Variants in RSF1 observed in about 807,000 individuals in gnomAD.
RSF1 encodes remodeling and spacing factor 1.
Under a neutral mutation model 145.2 loss-of-function variants are expected in RSF1, and 13 were observed. That is an observed-to-expected ratio of 0.09 (90% confidence interval 0.06 to 0.14). RSF1 has a LOEUF of 0.14. RSF1 is among the 10% of genes least tolerant of loss of function. RSF1 has a pLI of 1.00. For missense variants in RSF1, 1,517 were observed against 1,718.2 expected (o/e 0.88, Z 2.07); for synonymous variants, 577 against 592.6 (o/e 0.97, Z 0.38).
chr11:77,713,643 T>C (rs1565157405), intron 5 of RSF1, among the ~76,000 whole-genome samples: 1 of 152,226 alleles, frequency 6.6e-6, no homozygotes, highest in Non-Finnish European at 1.5e-5. Flanking sequence ...GGATCTTCTT[T>C]GCCTATTTTC....
intron 3 of RSF1, among the ~76,000 whole-genome samples, chr11:77,741,764 T>C (rs1333620473): frequency 6.6e-6 from 1 of 152,158 alleles, no homozygotes; most frequent in Non-Finnish European, 1.5e-5. Context: ...TTATTATCTA[T>C]AGTCACCATG....
chr11:77,685,089 C>G lies in RSF1; in HGVS notation c.2955+16G>C. 1 of 1,477,438 alleles carries G rather than the reference C, an allele frequency of 6.8e-7. No homozygotes were observed. Among genetic ancestry groups the G allele is most frequent in the East Asian group, 2.4e-5 (1 of 41,014 alleles). The allele number at this position is 1,477,438 out of a possible 1,614,324, so 91.5% of individuals were successfully genotyped here. ...GACAATCTCCCATTTAAAAACATTA[C>G]AAATCAGAAACTTACTTGTGGAGGA... On this transcript the variant is annotated intron_variant, in intron 10 of 15. Transcript: ENST00000308488.
At chr11:77,824,066 T>C (rs1006640143), upstream of RSF1, among the ~76,000 whole-genome samples, 3 of 152,224 alleles carry the variant, frequency 2.0e-5, no homozygotes, top group African/African-American at 7.2e-5. Context: ...GAAAGTTATA[T>C]CCACCCAAAG....
intron 2 of RSF1, among the ~76,000 whole-genome samples, chr11:77,751,297 G>A (rs193279874): frequency 2.0e-5 from 3 of 152,234 alleles, no homozygotes; most frequent in Admixed American, 2.0e-4. Context: ...TAAAAAGAGG[G>A]TGTGAAATGG....
At chr11:77,871,354 A>G in the RSF1 span, among the ~76,000 whole-genome samples, 2 of 152,256 alleles carry the variant, frequency 1.3e-5, no homozygotes, top group Non-Finnish European at 2.9e-5. Context: ...AAATTCATTT[A>G]CAGATATTTA....
At chr11:77,668,622 T>C (rs1959435913) in intron 15 of RSF1, among the ~76,000 whole-genome samples, 1 of 152,242 alleles carries the variant, frequency 6.6e-6, no homozygotes, top group East Asian at 1.9e-4. Context: ...TGTCTGAACA[T>C]ACATAGACTT....
the RSF1 span, among the ~76,000 whole-genome samples, chr11:77,827,414 C>T: frequency 6.6e-6 from 1 of 152,108 alleles, no homozygotes; most frequent in East Asian, 1.9e-4. Context: ...CCAGTTCCAA[C>T]CACATATAAA....
intron 1 of RSF1, among the ~76,000 whole-genome samples, chr11:77,789,545 G>A (rs541283533): frequency 3.0e-4 from 45 of 152,252 alleles, no homozygotes; most frequent in Non-Finnish European, 4.0e-4. Context: ...GCTGAGGCGC[G>A]AGCACCCCCA....
intron 4 of RSF1, 144 bp downstream of exon 4, chr11:77,740,587 G>A (rs1961485355): frequency 9.1e-6 from 6 of 656,536 alleles, no homozygotes; most frequent in Middle Eastern, 4.2e-4. Flanking sequence ...TGGGTATTAC[G>A]CTGGATACTA....
chr11:77,778,301 G>C (rs1159639070), intron 1 of RSF1, among the ~76,000 whole-genome samples: 1 of 149,520 alleles, frequency 6.7e-6, no homozygotes, highest in Non-Finnish European at 1.5e-5. Flanking sequence ...AATACCTTCA[G>C]GCTTTAGAGA....
intron 1 of RSF1, among the ~76,000 whole-genome samples, chr11:77,790,648 A>G (rs1013099484): frequency 2.0e-5 from 3 of 152,184 alleles, no homozygotes; most frequent in African/African-American, 4.8e-5. Flanking sequence ...CCTAGATACA[A>G]TGGGGGTGCA....
chr11:77,747,209 G>T, intron 2 of RSF1, 81 bp from the exon 3 acceptor site: 1 of 810,164 alleles, frequency 1.2e-6, no homozygotes, highest in Non-Finnish European at 2.1e-6. Flanking sequence ...TGCTGTTCTT[G>T]TTAATACATG....
chr11:77,808,527 C>CTT (rs745630976), intron 1 of RSF1, among the ~76,000 whole-genome samples: 28,929 of 59,776 alleles, frequency 0.48, 10,868 homozygotes, highest in South Asian at 0.69. Flanking sequence ...AATATTATAC[C>CTT]TTTTTTTTTT....
chr11:77,685,027 A>T, intron 10 of RSF1, 78 bp downstream of exon 10: 1 of 699,968 alleles, frequency 1.4e-6, no homozygotes. Flanking sequence ...AAAACCACTA[A>T]CATTACATAA....
chr11:77,669,781 A>G (rs1959471692), intron 15 of RSF1, among the ~76,000 whole-genome samples: 1 of 152,234 alleles, frequency 6.6e-6, no homozygotes, highest in Non-Finnish European at 1.5e-5. Context: ...TTTTTGAGAA[A>G]GCAGGCAACA....
intron 1 of RSF1, among the ~76,000 whole-genome samples, chr11:77,790,436 G>A (rs1948505260): frequency 6.6e-6 from 1 of 152,148 alleles, no homozygotes; most frequent in Non-Finnish European, 1.5e-5. Context: ...TGGGGACACA[G>A]CCAAGCCATA....
chr11:77,671,138 AATATATATATATATATAT>A lies in RSF1; in HGVS notation c.3751+886_3751+903del, dbSNP rs1225103987. Among the ~76,000 whole-genome samples the A allele has an allele frequency of 5.4e-3, 119 of 22,052 alleles. 7 individuals carry two copies. Among genetic ancestry groups the A allele is most frequent in the Middle Eastern group, 0.036 (1 of 28 alleles). 14.5% of individuals were successfully genotyped at this position (22,052 alleles called of 152,430 possible). Reference sequence around the variant, plus strand: ...AAAAAAAAAAAAAAAAAAAAAAAAAAATATATATATATATATATATATATATATATATATATATATTTA... The same window carrying A: ...AAAAAAAAAAAAAAAAAAAAAAAAAAATATATATATATATATATATATTTA... On this transcript the variant is annotated intron_variant, in intron 15 of 15. Transcript: ENST00000308488.
the RSF1 span, among the ~76,000 whole-genome samples, chr11:77,859,805 G>A: frequency 3.3e-5 from 5 of 152,354 alleles, no homozygotes; most frequent in South Asian, 4.1e-4. Context: ...TGGAAGAAAT[G>A]TGGCTGGGTT....
chr11:77,806,428 G>C (rs1321823504), intron 1 of RSF1, among the ~76,000 whole-genome samples: 1 of 151,986 alleles, frequency 6.6e-6, no homozygotes, highest in African/African-American at 2.4e-5. Flanking sequence ...TGAGTTGAGT[G>C]ATTATCCAAA....
Sources: allele counts gnomAD v4.1 joint callset (sites outside exome capture counted in the v4.1 genomes callset), GRCh38; gene constraint gnomAD v4.1.1; transcripts MANE v1.5; gene names NCBI Gene and HGNC (gene_info 2026-07-23, HGNC 2026-07-21).